Variants in XPR1 observed in about 807,000 individuals in gnomAD.
The protein encoded by XPR1 is solute carrier family 53 member 1.
A neutral mutation model predicts 87.5 loss-of-function variants in XPR1; 28 were observed. The ratio of observed to expected loss-of-function variants is 0.32; its 90% CI spans 0.24 to 0.44. XPR1 has a LOEUF of 0.44. Among genes scored for constraint, XPR1 ranks in the 20% least tolerant of loss-of-function variants. The pLI is 1.00. For missense variants in XPR1, 559 were observed against 862.3 expected (o/e 0.65, Z 4.41); for synonymous variants, 300 against 306.1 (o/e 0.98, Z 0.21).
chr1:180,835,288 C>G, intron 10 of XPR1, among the ~76,000 whole-genome samples: 1 of 152,172 alleles, frequency 6.6e-6, no homozygotes, highest in Non-Finnish European at 1.5e-5. Flanking sequence ...TTAAAGAATT[C>G]TAAAACTTTC....
intron 2 of XPR1, among the ~76,000 whole-genome samples, chr1:180,729,294 G>A (rs1013735711): frequency 1.3e-5 from 2 of 152,088 alleles, no homozygotes; most frequent in Non-Finnish European, 2.9e-5. Flanking sequence ...ATAGTACTGC[G>A]ATTAACATAT....
intron 5 of XPR1, 124 bp downstream of exon 5, chr1:180,806,335 G>T: frequency 6.8e-7 from 1 of 1,466,740 alleles, no homozygotes; most frequent in East Asian, 2.4e-5. Context: ...CCTTACCTGT[G>T]ATTTTTTTTC....
intron 2 of XPR1, among the ~76,000 whole-genome samples, chr1:180,716,077 A>G (rs1180138157): frequency 2.0e-5 from 3 of 152,134 alleles, no homozygotes; most frequent in Non-Finnish European, 4.4e-5. Context: ...ATGTCATATA[A>G]TAGATAGATC....
In XPR1 at chr1:180,806,476, T is replaced by C. The variant is rs1409055205; in HGVS notation, c.600T>C (p.Ala200=). ...AATGTAATAATTTGTCTTTCTAGGC[T>C]GTAGTGACCAATGAACTTGAAGATG... ...KINQLISETE[A]VVTNELEDGD... Residue 200 remains alanine (A), a splice_region_variant and synonymous_variant, in exon 6 of 15, where the codon GCT becomes GCC. Coordinates refer to ENST00000367590, the MANE Select transcript of XPR1 (RefSeq NM_004736.4). 3.7e-6 allele frequency: 6 copies of C among 1,613,240 alleles called. No individual in the cohort carries two copies. The highest frequency in any genetic ancestry group is 3.3e-5 in the South Asian group (3 of 90,986).
intron 2 of XPR1, among the ~76,000 whole-genome samples, chr1:180,754,099 A>G (rs555599671): frequency 9.3e-4 from 141 of 152,252 alleles, no homozygotes; most frequent in Non-Finnish European, 1.9e-3. Context: ...CATATCACCT[A>G]GTTTCATTTT....
At chr1:180,633,774 G>A (rs547956782) in intron 1 of XPR1, among the ~76,000 whole-genome samples, 61 of 152,318 alleles carry the variant, frequency 4.0e-4, no homozygotes, top group Non-Finnish European at 5.6e-4. Flanking sequence ...ACCTTGGCTA[G>A]AATCCAAGTG....
chr1:180,701,488 TC>T (rs1657329938), intron 2 of XPR1, among the ~76,000 whole-genome samples: 1 of 137,958 alleles, frequency 7.2e-6, no homozygotes, highest in Non-Finnish European at 1.5e-5. Flanking sequence ...GTGGTTTTTG[TC>T]TTTGGCTCTG....
intron 2 of XPR1, among the ~76,000 whole-genome samples, chr1:180,745,235 G>A (rs1659053222): frequency 6.6e-6 from 1 of 152,034 alleles, no homozygotes; most frequent in Admixed American, 6.6e-5. Flanking sequence ...CTGTTCTCTG[G>A]TCAGATAACT....
chr1:180,696,123 C>T (rs1657154848), intron 2 of XPR1, among the ~76,000 whole-genome samples: 1 of 148,632 alleles, frequency 6.7e-6, no homozygotes, highest in African/African-American at 2.5e-5. Flanking sequence ...TTGTAGTTCT[C>T]ATCGTAGAGG....
chr1:180,734,201 A>G (rs1316192643), intron 2 of XPR1, among the ~76,000 whole-genome samples: 2 of 152,198 alleles, frequency 1.3e-5, no homozygotes, highest in African/African-American at 4.8e-5. Flanking sequence ...CCGGGGGTTC[A>G]GTTTAGGGCC....
intron 3 of XPR1, among the ~76,000 whole-genome samples, chr1:180,789,335 A>AT (rs1558009053): frequency 6.6e-6 from 1 of 152,148 alleles, no homozygotes; most frequent in Admixed American, 6.5e-5. Flanking sequence ...GTGGACAGTC[A>AT]TTTTCAGTTA....
At chr1:180,667,640 C>T (rs368782342) in intron 1 of XPR1, among the ~76,000 whole-genome samples, 1 of 152,098 alleles carries the variant, frequency 6.6e-6, no homozygotes, top group Non-Finnish European at 1.5e-5. Context: ...AGCATTTCCT[C>T]CTGTTCAGTT....
intron 7 of XPR1, among the ~76,000 whole-genome samples, chr1:180,815,282 T>A (rs1447258801): frequency 6.6e-6 from 1 of 152,198 alleles, no homozygotes; most frequent in East Asian, 1.9e-4. Context: ...ACTATGTTTT[T>A]GTAAGACATT....
At chr1:180,709,963 T>C (rs1186155783) in intron 2 of XPR1, among the ~76,000 whole-genome samples, 1 of 151,602 alleles carries the variant, frequency 6.6e-6, no homozygotes, top group East Asian at 1.9e-4. Context: ...TGGAGTGCAA[T>C]AGCGTGATCT....
At chr1:180,761,957 T>C (rs1201332982) in intron 2 of XPR1, among the ~76,000 whole-genome samples, 4 of 152,040 alleles carry the variant, frequency 2.6e-5, no homozygotes, top group Non-Finnish European at 5.9e-5. Flanking sequence ...AATGAAGAGT[T>C]CATGTCCTTT....
chr1:180,713,241 A>G (rs1285915689), intron 2 of XPR1, among the ~76,000 whole-genome samples: 3 of 152,000 alleles, frequency 2.0e-5, no homozygotes, highest in African/African-American at 7.2e-5. Context: ...ATTTTTTTTG[A>G]TGCTCTTGCA....
intron 2 of XPR1, among the ~76,000 whole-genome samples, chr1:180,739,787 C>G (rs1422442168): frequency 6.6e-6 from 1 of 152,082 alleles, no homozygotes; most frequent in Admixed American, 6.5e-5. Context: ...GTTTCCCAGG[C>G]TGGAGTTCAG....
At chr1:180,766,151 T>A (rs1441003665) in intron 2 of XPR1, among the ~76,000 whole-genome samples, 1 of 152,192 alleles carries the variant, frequency 6.6e-6, no homozygotes, top group Admixed American at 6.5e-5. Flanking sequence ...TTTGTTGTCT[T>A]ATTTAATATC....
chr1:180,864,611 A>T (rs895802977), intron 12 of XPR1, among the ~76,000 whole-genome samples: 1 of 152,140 alleles, frequency 6.6e-6, no homozygotes, highest in Admixed American at 6.5e-5. Context: ...ATCAAGTGCC[A>T]TTTCAATCAG....
Sources: gnomAD v4.1 joint callset for allele counts (sites outside exome capture counted in the v4.1 genomes callset) on GRCh38, gnomAD v4.1.1 for gene constraint, MANE v1.5 for transcripts, NCBI Gene and HGNC (gene_info 2026-07-23, HGNC 2026-07-21) for gene names.